ANKDD1A: variants seen among roughly 807,000 people sequenced by gnomAD.
The protein encoded by ANKDD1A is ankyrin repeat and death domain-containing protein 1A.
Under a neutral mutation model 63.5 loss-of-function variants are expected in ANKDD1A, and 59 were observed. The observed-to-expected ratio is 0.93, with a 90% CI of 0.75 to 1.15. ANKDD1A has a LOEUF of 1.15. ANKDD1A is among the 50% of genes most tolerant of loss of function. The probability of loss-of-function intolerance (pLI) is 0.00; values close to 1 mark genes in which losing one functional copy is unlikely to be tolerated. For synonymous variants in ANKDD1A, 266 were observed against 263.9 expected (o/e 1.01, Z -0.08); for missense variants, 632 against 656.4 (o/e 0.96, Z 0.41).
At chr15:64,947,277 C>G (rs2085230846) in intron 12 of ANKDD1A, 127 bp from the exon 13 acceptor site, 1 of 915,654 alleles carries the variant, frequency 1.1e-6, no homozygotes, top group South Asian at 1.7e-5. Context: ...GCCCCTGGCC[C>G]TTGCTGACTC....
intron 14 of ANKDD1A, among the ~76,000 whole-genome samples, chr15:64,953,588 CCT>C (rs2085348433): frequency 1.5e-4 from 2 of 13,638 alleles, no homozygotes; most frequent in South Asian, 3.2e-3. Context: ...TCTTCTTCTT[CCT>C]TCTCCTTTTC....
chr15:64,952,528 G>T (rs796263879), intron 14 of ANKDD1A, among the ~76,000 whole-genome samples: 1,829 of 23,416 alleles, frequency 0.078, 50 homozygotes, highest in African/African-American at 0.18. Context: ...TTCTTCCTTC[G>T]TCTTCTTCTC....
intron 4 of ANKDD1A, among the ~76,000 whole-genome samples, chr15:64,923,466 AT>A (rs1287687967): frequency 1.3e-5 from 2 of 152,054 alleles, no homozygotes; most frequent in Admixed American, 6.6e-5. Flanking sequence ...TATTTGATTA[AT>A]TTTTTTTCCT....
Position 64,926,956 on chromosome 15 carries a change from A to G in ANKDD1A, c.527A>G (p.Asp176Gly). Reference sequence around the variant, plus strand: ...GAGCACGGGCAGCTGGATGCTCTGGACTTCCTCGTGGGCTCTGGCTGTGAC... The same window carrying G: ...GAGCACGGGCAGCTGGATGCTCTGGGCTTCCTCGTGGGCTCTGGCTGTGAC... Reference protein sequence around the residue: ...AAEHGQLDALDFLVGSGCDHN... With the variant: ...AAEHGQLDALGFLVGSGCDHN... The change falls in exon 6 of 15, where the codon GAC becomes GGC. Residue 176 changes from aspartate to glycine, a missense_variant. Physicochemically the swap from Asp to Gly is moderately conservative, Grantham distance 94. Transcript: ENST00000319580. 6.2e-7 allele frequency: 1 copy of G among 1,614,158 alleles called. No homozygotes were observed. Among genetic ancestry groups the G allele is most frequent in the Non-Finnish European group, 8.5e-7 (1 of 1,180,016 alleles).
At chr15:64,946,997 C>T (rs1273280244) in intron 12 of ANKDD1A, among the ~76,000 whole-genome samples, 1 of 152,168 alleles carries the variant, frequency 6.6e-6, no homozygotes, top group Admixed American at 6.5e-5. Flanking sequence ...TCAGCAAATC[C>T]GATTCTTGCC....
intron 14 of ANKDD1A, among the ~76,000 whole-genome samples, chr15:64,951,894 TTTC>T (rs1406477189): frequency 1.2e-4 from 18 of 146,474 alleles, no homozygotes; most frequent in African/African-American, 3.7e-4. Context: ...CTTCTTTCTT[TTTC>T]TTTTCTCTTC....
chr15:64,952,268 TTC>T (rs779754497), intron 14 of ANKDD1A, among the ~76,000 whole-genome samples: 3 of 147,538 alleles, frequency 2.0e-5, no homozygotes, highest in East Asian at 3.9e-4. Context: ...TTCCTTCTCC[TTC>T]TTTTTCTTCT....
intron 4 of ANKDD1A, among the ~76,000 whole-genome samples, chr15:64,924,455 A>C (rs1371689803): frequency 2.6e-5 from 4 of 152,206 alleles, no homozygotes; most frequent in Non-Finnish European, 5.9e-5. Flanking sequence ...CCAGCTTTGC[A>C]AATGATAGAC....
intron 6 of ANKDD1A, among the ~76,000 whole-genome samples, chr15:64,927,848 AC>A (rs2140370174): frequency 6.6e-6 from 1 of 151,938 alleles, no homozygotes; most frequent in Non-Finnish European, 1.5e-5. Flanking sequence ...CTCGTGATCC[AC>A]CCGCCTCAGC....
In ANKDD1A at chr15:64,931,518, G is replaced by T. The variant is rs1365939677; in HGVS notation, c.701G>T (p.Gly234Val). 6.2e-7 allele frequency: 1 copy of T among 1,614,040 alleles called. No individual in the cohort carries two copies. Among genetic ancestry groups the T allele is most frequent in the East Asian group, 2.2e-5 (1 of 44,876 alleles). Residue 234 changes from glycine (G) to valine (V), a missense_variant, in exon 8 of 15, where the codon GGA becomes GTA. Gly to Val is a moderately radical substitution (Grantham distance 109, BLOSUM62 -3). Coordinates refer to ENST00000319580, the MANE Select transcript of ANKDD1A (RefSeq NM_182703.6). ...CTGACTGCCCTGCATTCGGCTGCTG[G>T]AGGATCCCACCCTGACTGTGTGCAG... ...EGLTALHSAAGGSHPDCVQLL... is the reference protein window; with the variant it reads ...EGLTALHSAAVGSHPDCVQLL...
chr15:64,953,527 T>C lies in ANKDD1A; in HGVS notation c.1483+3555T>C, dbSNP rs1162927134. Among the ~76,000 whole-genome samples the C allele has an allele frequency of 3.0e-3, 222 of 74,720 alleles. 3 individuals are homozygous for C. Among genetic ancestry groups the C allele is most frequent in the African/African-American group, 7.6e-3 (208 of 27,452 alleles). The allele number at this position is 74,720 out of a possible 152,430, so 49.0% of individuals were successfully genotyped here. A position where few individuals can be genotyped will look rare whatever the true frequency, so the allele number is the denominator to read the frequency against. ...CCTCCTCTTCCTTCTCCTTCTTCCT[T>C]CTTCTCCTCTCCTTCTTCCTTCTCC... On this transcript the variant is annotated intron_variant, in intron 14 of 14. Transcript: ENST00000319580.
intron 9 of ANKDD1A, 98 bp downstream of exon 9, chr15:64,934,332 G>A: frequency 1.7e-6 from 2 of 1,173,576 alleles, no homozygotes; most frequent in South Asian, 3.0e-5. Context: ...CGGATCCTTG[G>A]GGTTGGGGTG....
chr15:64,953,862 CCT>C (rs1426985544), intron 14 of ANKDD1A, among the ~76,000 whole-genome samples: 1 of 114,380 alleles, frequency 8.7e-6, no homozygotes, highest in African/African-American at 3.3e-5. Context: ...TCCTCTTCTT[CCT>C]CTTTCTTCTT....
At chr15:64,952,095 T>C (rs563537130) in intron 14 of ANKDD1A, among the ~76,000 whole-genome samples, 1 of 66,912 alleles carries the variant, frequency 1.5e-5, no homozygotes, top group African/African-American at 3.8e-5. Flanking sequence ...TTTCTTCCTC[T>C]TCTTCCTTCT....
Position 64,921,978 on chromosome 15 carries a change from A to C in ANKDD1A, c.325A>C (p.Ile109Leu). ...AWFGHLRILQ[I>L]LVNSGAKIHC... ...GTTCGGCCACTTACGAATCCTCCAGATCTTGGTAAACTCAGGGGCCAAGAT... is the reference window on the plus strand; with the variant it reads ...GTTCGGCCACTTACGAATCCTCCAGCTCTTGGTAAACTCAGGGGCCAAGAT... Residue 109 changes from isoleucine (I) to leucine (L), a missense_variant, in exon 4 of 15, where the codon ATC becomes CTC. Ile to Leu is a conservative substitution (Grantham distance 5). Coordinates refer to ENST00000319580, the MANE Select transcript of ANKDD1A (RefSeq NM_182703.6). 6.2e-7 allele frequency: 1 copy of C among 1,614,112 alleles called. No homozygotes were observed. The highest frequency in any genetic ancestry group is 8.5e-7 in the Non-Finnish European group (1 of 1,180,014).
chr15:64,952,657 T>C (rs2085316217), intron 14 of ANKDD1A, among the ~76,000 whole-genome samples: 1 of 150,506 alleles, frequency 6.6e-6, no homozygotes, highest in African/African-American at 2.4e-5. Context: ...TTCTCCTTCT[T>C]CTTCCCCTTC....
At chr15:64,926,775 C>A in intron 5 of ANKDD1A, 126 bp from the exon 6 acceptor site, 1 of 930,322 alleles carries the variant, frequency 1.1e-6, no homozygotes, top group Non-Finnish European at 1.7e-6. Context: ...GGGGAGAGGA[C>A]AGTGTCTGGG....
At chr15:64,941,367 C>T (rs1413366502) in intron 9 of ANKDD1A, among the ~76,000 whole-genome samples, 2 of 152,114 alleles carry the variant, frequency 1.3e-5, no homozygotes, top group Non-Finnish European at 2.9e-5. Context: ...ATTTATTTAG[C>T]TCATTGTTCT....
intron 14 of ANKDD1A, among the ~76,000 whole-genome samples, chr15:64,951,841 TTTC>T (rs1436447558): frequency 3.2e-3 from 178 of 54,994 alleles, no homozygotes; most frequent in East Asian, 8.2e-3. Flanking sequence ...CTTCTTATTC[TTTC>T]TTCTTCTTTC....
Sources: gnomAD v4.1 joint callset for allele counts (sites outside exome capture counted in the v4.1 genomes callset) on GRCh38, gnomAD v4.1.1 for gene constraint, MANE v1.5 for transcripts, NCBI Gene and HGNC (gene_info 2026-07-23, HGNC 2026-07-21) for gene names.